TDRD5: variants seen among roughly 807,000 people sequenced by gnomAD.
TDRD5 encodes the protein tudor domain-containing protein 5.
In TDRD5, 41 loss-of-function variants were observed where a neutral mutation model predicts 120.6. That is an observed-to-expected ratio of 0.34 (90% CI 0.26 to 0.44). The LOEUF (loss-of-function observed/expected upper bound fraction) is 0.44. TDRD5 is among the 20% of genes least tolerant of loss of function. TDRD5 has a pLI of 1.00. For missense variants in TDRD5, 1,006 were observed against 1,221.2 expected (o/e 0.82, Z 2.63); for synonymous variants, 430 against 433.7 (o/e 0.99, Z 0.11).
At chr1:179,655,642 G>C (rs1160648238) in intron 14 of TDRD5, among the ~76,000 whole-genome samples, 1 of 151,992 alleles carries the variant, frequency 6.6e-6, no homozygotes, top group East Asian at 1.9e-4. Flanking sequence ...AACTGGTCTG[G>C]GGTCTGTTTT....
At chr1:179,658,334 G>A (rs1679113893) in intron 14 of TDRD5, among the ~76,000 whole-genome samples, 1 of 152,074 alleles carries the variant, frequency 6.6e-6, no homozygotes. Context: ...TTATTTTTCA[G>A]GGAGAGAAGT....
intron 4 of TDRD5, among the ~76,000 whole-genome samples, chr1:179,598,784 T>C (rs1675543686): frequency 6.6e-6 from 1 of 152,082 alleles, no homozygotes; most frequent in Non-Finnish European, 1.5e-5. Flanking sequence ...TTGTAGAGTT[T>C]GGATTTTCTG....
At chr1:179,659,400 A>T in intron 14 of TDRD5, among the ~76,000 whole-genome samples, 1 of 150,590 alleles carries the variant, frequency 6.6e-6, no homozygotes, top group African/African-American at 2.4e-5. Flanking sequence ...TGCATTTTGA[A>T]GCTCTATTGT....
In TDRD5 at chr1:179,662,249, A is replaced by G. The variant is rs767147412; in HGVS notation, c.2468A>G (p.Lys823Arg). Reference sequence around the variant, plus strand: ...CTATTTACTGCAAGCCTTGGTGGAAAGAATCAGTATTCATCATGTAAAGAA... The same window carrying G: ...CTATTTACTGCAAGCCTTGGTGGAAGGAATCAGTATTCATCATGTAAAGAA... ...SHLFTASLGGKNQYSSCKEMP... is the reference protein window; with the variant it reads ...SHLFTASLGGRNQYSSCKEMP... The change falls in exon 15 of 18, where the codon AAG becomes AGG. Residue 823 changes from lysine to arginine, a missense_variant. Lys to Arg is a conservative substitution (Grantham distance 26, BLOSUM62 2). Coordinates refer to ENST00000444136, the MANE Select transcript of TDRD5 (RefSeq NM_001199085.3). The G allele has an allele frequency of 1.9e-6, 3 of 1,610,018 alleles. No homozygotes were observed. Among genetic ancestry groups the G allele is most frequent in the Non-Finnish European group, 2.5e-6 (3 of 1,178,848 alleles).
At chr1:179,634,871 A>G (rs1276133181) in intron 8 of TDRD5, among the ~76,000 whole-genome samples, 3 of 152,176 alleles carry the variant, frequency 2.0e-5, no homozygotes, top group Non-Finnish European at 2.9e-5. Context: ...TTGAGAGTTG[A>G]CAGATCTCTC....
intron 11 of TDRD5, among the ~76,000 whole-genome samples, chr1:179,645,154 C>G (rs1419955736): frequency 1.5e-5 from 2 of 134,502 alleles, no homozygotes; most frequent in African/African-American, 5.7e-5. Context: ...GGCGGGATCT[C>G]GGCTCACTGC....
intron 4 of TDRD5, among the ~76,000 whole-genome samples, chr1:179,596,033 A>G (rs1675373289): frequency 6.6e-6 from 1 of 152,118 alleles, no homozygotes; most frequent in Non-Finnish European, 1.5e-5. Flanking sequence ...AGTTTCCACT[A>G]TTTTCTGCAA....
chr1:179,621,191 C>A, intron 6 of TDRD5, 100 bp downstream of exon 6: 1 of 961,574 alleles, frequency 1.0e-6, no homozygotes, highest in Non-Finnish European at 1.5e-6. Flanking sequence ...CAGGTCTATG[C>A]TCTAAAACGG....
intron 16 of TDRD5, 136 bp downstream of exon 16, chr1:179,663,627 T>A (rs1679424358): frequency 7.9e-7 from 1 of 1,261,272 alleles, no homozygotes; most frequent in East Asian, 2.6e-5. Flanking sequence ...TTACTGTTGA[T>A]GATAAATTTG....
intron 4 of TDRD5, among the ~76,000 whole-genome samples, chr1:179,614,083 T>C (rs543140362): frequency 6.6e-5 from 10 of 152,222 alleles, no homozygotes; most frequent in African/African-American, 2.4e-4. Context: ...TGTTTTTAAA[T>C]TTTTTTATTA....
At chr1:179,647,361 T>G (rs1678438437) in intron 11 of TDRD5, among the ~76,000 whole-genome samples, 1 of 150,696 alleles carries the variant, frequency 6.6e-6, no homozygotes, top group African/African-American at 2.4e-5. Context: ...AAGGATTCCC[T>G]ATTTAATAAA....
chr1:179,689,124 G>A (rs974637942), intron 17 of TDRD5, among the ~76,000 whole-genome samples: 3 of 152,176 alleles, frequency 2.0e-5, no homozygotes, highest in Admixed American at 6.5e-5. Flanking sequence ...AGGAGAAGAG[G>A]AGCTCTGATT....
intron 17 of TDRD5, among the ~76,000 whole-genome samples, chr1:179,687,736 G>T (rs534045568): frequency 1.4e-4 from 22 of 152,038 alleles, no homozygotes; most frequent in African/African-American, 5.3e-4. Flanking sequence ...CCTGTATTGG[G>T]TGCATATATA....
intron 17 of TDRD5, among the ~76,000 whole-genome samples, chr1:179,675,069 T>C (rs1049076562): frequency 3.9e-5 from 6 of 151,970 alleles, no homozygotes; most frequent in African/African-American, 1.4e-4. Flanking sequence ...ATTTCCTTTC[T>C]TCTGCTGAGT....
chr1:179,653,426 A>C (rs1678825950), intron 13 of TDRD5, among the ~76,000 whole-genome samples: 1 of 152,128 alleles, frequency 6.6e-6, no homozygotes, highest in African/African-American at 2.4e-5. Flanking sequence ...GATGTTTCCT[A>C]CTGCATGTTC....
intron 4 of TDRD5, among the ~76,000 whole-genome samples, chr1:179,603,728 A>C (rs1177976100): frequency 6.6e-6 from 1 of 152,168 alleles, no homozygotes; most frequent in Non-Finnish European, 1.5e-5. Flanking sequence ...TATGAAACTC[A>C]CTTGATCATG....
At chr1:179,651,765 TAGTC>T (rs1384723425) in intron 12 of TDRD5, among the ~76,000 whole-genome samples, 1 of 151,812 alleles carries the variant, frequency 6.6e-6, no homozygotes, top group Admixed American at 6.6e-5. Context: ...TACAAAAAAT[TAGTC>T]AGGCGTGATG....
At chr1:179,622,779 C>T (rs1572358159) in intron 6 of TDRD5, among the ~76,000 whole-genome samples, 2 of 152,098 alleles carry the variant, frequency 1.3e-5, no homozygotes, top group South Asian at 4.2e-4. Context: ...AACCAAATGG[C>T]CTAATGTATC....
intron 16 of TDRD5, among the ~76,000 whole-genome samples, chr1:179,667,031 C>T (rs957970583): frequency 1.3e-5 from 2 of 152,146 alleles, no homozygotes; most frequent in Non-Finnish European, 2.9e-5. Context: ...AATGTGTATA[C>T]AGGTCACCTG....
Sources: gnomAD v4.1 joint callset for allele counts (sites outside exome capture counted in the v4.1 genomes callset) on GRCh38, gnomAD v4.1.1 for gene constraint, MANE v1.5 for transcripts, NCBI Gene and HGNC (gene_info 2026-07-23, HGNC 2026-07-21) for gene names.